Variants in MAGI1 observed in about 807,000 individuals in gnomAD.
MAGI1 encodes the protein membrane associated guanylate kinase, WW and PDZ domain containing 1, also known as membrane-associated guanylate kinase, WW and PDZ domain-containing protein 1.
Under a neutral mutation model 139.9 loss-of-function variants are expected in MAGI1, and 58 were observed. The observed-to-expected ratio is 0.41, with a 90% CI of 0.34 to 0.52. The LOEUF (loss-of-function observed/expected upper bound fraction) is 0.52, where lower values mean the gene tolerates loss of function less well. Among genes scored for constraint, MAGI1 ranks in the 20% least tolerant of loss-of-function variants. MAGI1 has a pLI of 0.12. For missense variants in MAGI1, 1,874 were observed against 1,901.6 expected (o/e 0.99, Z 0.27); for synonymous variants, 812 against 737.9 (o/e 1.10, Z -1.63).
intron 2 of MAGI1, among the ~76,000 whole-genome samples, chr3:65,537,860 G>C (rs185019416): frequency 6.6e-6 from 1 of 152,322 alleles, no homozygotes; most frequent in East Asian, 1.9e-4. Context: ...GCTCACACCT[G>C]TAATCCCAAC....
intron 1 of MAGI1, among the ~76,000 whole-genome samples, chr3:65,761,007 G>C (rs1559856842): frequency 1.3e-5 from 2 of 152,180 alleles, no homozygotes; most frequent in Non-Finnish European, 2.9e-5. Flanking sequence ...AGCGCCCATA[G>C]ACGGATAGGT....
chr3:65,793,104 A>C (rs1473363403), intron 1 of MAGI1, among the ~76,000 whole-genome samples: 1 of 152,206 alleles, frequency 6.6e-6, no homozygotes, highest in Non-Finnish European at 1.5e-5. Context: ...AAACTTTTTG[A>C]GAACTGTCTC....
intron 12 of MAGI1, among the ~76,000 whole-genome samples, chr3:65,415,025 A>C (rs563377712): frequency 5.9e-4 from 89 of 151,088 alleles, no homozygotes; most frequent in African/African-American, 2.0e-3. Flanking sequence ...AAAAACAAAA[A>C]AAAAAAAAAC....
At chr3:65,996,628 C>A (rs1157763551) in intron 1 of MAGI1, among the ~76,000 whole-genome samples, 1 of 151,970 alleles carries the variant, frequency 6.6e-6, no homozygotes, top group African/African-American at 2.4e-5. Context: ...GACTTCCGCT[C>A]GCTTCACTCC....
intron 1 of MAGI1, among the ~76,000 whole-genome samples, chr3:65,812,699 C>CTTTTTTTT (rs539502538): frequency 8.2e-5 from 6 of 72,904 alleles, no homozygotes; most frequent in Non-Finnish European, 1.2e-4. Context: ...AGTTAGTTTA[C>CTTTTTTTT]TTTTTTTTTT....
intron 1 of MAGI1, among the ~76,000 whole-genome samples, chr3:65,748,473 C>A (rs2035877839): frequency 6.6e-6 from 1 of 152,066 alleles, no homozygotes; most frequent in Non-Finnish European, 1.5e-5. Context: ...AGCAGGAACC[C>A]CCAGAGAGTC....
At chr3:65,530,037 C>T (rs981763451) in intron 2 of MAGI1, among the ~76,000 whole-genome samples, 10 of 151,954 alleles carry the variant, frequency 6.6e-5, no homozygotes, top group African/African-American at 2.4e-4. Context: ...TGTGAGAGTG[C>T]CTAGCTAGGG....
chr3:65,980,397 T>C (rs774502170), intron 1 of MAGI1, among the ~76,000 whole-genome samples: 5 of 152,040 alleles, frequency 3.3e-5, no homozygotes, highest in Admixed American at 6.6e-5. Flanking sequence ...ACACCGTCTC[T>C]ACTACAAATA....
intron 1 of MAGI1, among the ~76,000 whole-genome samples, chr3:65,751,280 G>A (rs2036127716): frequency 6.6e-6 from 1 of 152,188 alleles, no homozygotes; most frequent in Non-Finnish European, 1.5e-5. Context: ...CATGAAGAAA[G>A]AAATTGTCCT....
chr3:65,573,912 A>G (rs981525916), intron 2 of MAGI1, among the ~76,000 whole-genome samples: 2 of 152,110 alleles, frequency 1.3e-5, no homozygotes, highest in Admixed American at 1.3e-4. Context: ...TATTATCTAC[A>G]GCTGCTTTCA....
chr3:65,999,038 G>A (rs545977763), intron 1 of MAGI1, among the ~76,000 whole-genome samples: 1 of 152,094 alleles, frequency 6.6e-6, no homozygotes, highest in Non-Finnish European at 1.5e-5. Context: ...ATCACTCAAG[G>A]TAAGGGCTAT....
intron 2 of MAGI1, among the ~76,000 whole-genome samples, chr3:65,518,307 ATATT>A (rs1559631017): frequency 6.6e-6 from 1 of 152,198 alleles, no homozygotes; most frequent in Non-Finnish European, 1.5e-5. Flanking sequence ...CTGTATCTGT[ATATT>A]TATTTATCTT....
At chr3:65,849,084 C>T (rs1053594201) in intron 1 of MAGI1, among the ~76,000 whole-genome samples, 2 of 122,746 alleles carry the variant, frequency 1.6e-5, no homozygotes, top group African/African-American at 3.1e-5. Flanking sequence ...AGTGAAGTGG[C>T]GCAATCTCGG....
At chr3:65,558,043 C>T (rs576314635) in intron 2 of MAGI1, among the ~76,000 whole-genome samples, 15 of 152,212 alleles carry the variant, frequency 9.9e-5, no homozygotes, top group African/African-American at 3.4e-4. Flanking sequence ...CAGGTCTGTC[C>T]GGACTGCAGT....
chr3:65,877,219 T>G (rs2060151342), intron 1 of MAGI1, among the ~76,000 whole-genome samples: 1 of 152,178 alleles, frequency 6.6e-6, no homozygotes, highest in Non-Finnish European at 1.5e-5. Context: ...CTGTTGGAGA[T>G]GCCTTTATAC....
At position 66,025,128 on chromosome 3, in the gene MAGI1, C is replaced by T. The variant is rs1033353422; in HGVS notation, c.313+12868G>A. ...CATCAATATGTTATATAAAAGAGAA[C>T]TGAAAACACTCTAAATGTTCAACCT... On this transcript the variant is annotated intron_variant, in intron 1 of 22. Transcript: ENST00000402939. 1.1e-4 allele frequency among the ~76,000 whole-genome samples: 16 copies of T among 152,264 alleles called. 1 individual carries two copies. Among genetic ancestry groups the T allele is most frequent in the African/African-American group, 3.6e-4 (15 of 41,548 alleles).
At chr3:65,570,458 T>A (rs916663596) in intron 2 of MAGI1, among the ~76,000 whole-genome samples, 5 of 151,604 alleles carry the variant, frequency 3.3e-5, no homozygotes, top group Admixed American at 3.3e-4. Context: ...ATTAAAAATA[T>A]AACAATGAAG....
At chr3:65,842,281 T>C (rs976944497) in intron 1 of MAGI1, among the ~76,000 whole-genome samples, 1 of 152,178 alleles carries the variant, frequency 6.6e-6, no homozygotes, top group Non-Finnish European at 1.5e-5. Context: ...TAAAAGATTA[T>C]TTAATCAAGT....
chr3:65,435,090 A>T (rs1453533234), intron 10 of MAGI1, among the ~76,000 whole-genome samples: 1 of 152,196 alleles, frequency 6.6e-6, no homozygotes, highest in African/African-American at 2.4e-5. Flanking sequence ...ATCTGCCAGC[A>T]CTTTGATCTT....
Sources: allele counts gnomAD v4.1 joint callset (sites outside exome capture counted in the v4.1 genomes callset), GRCh38; gene constraint gnomAD v4.1.1; transcripts MANE v1.5; gene names NCBI Gene and HGNC (gene_info 2026-07-23, HGNC 2026-07-21).